Variants in CAPRIN1 observed in about 807,000 individuals in gnomAD.
CAPRIN1 encodes the protein cell cycle associated protein 1.
A neutral mutation model predicts 100.9 loss-of-function variants in CAPRIN1; 29 were observed. That is an observed-to-expected ratio of 0.29 (90% CI 0.21 to 0.39). CAPRIN1 has a LOEUF of 0.39. Among genes scored for constraint, CAPRIN1 ranks in the 10% least tolerant of loss-of-function variants. The pLI, the probability that CAPRIN1 is intolerant of heterozygous loss-of-function variation, is 1.00. For missense variants in CAPRIN1, 795 were observed against 876.7 expected, an observed-to-expected ratio of 0.91 and a Z score of 1.18; for synonymous variants, 338 against 307.5, an observed-to-expected ratio of 1.10 and a Z score of -1.04.
chr11:34,052,763 C>T (rs1468065726), intron 2 of CAPRIN1, 127 bp downstream of exon 2: 4 of 1,415,388 alleles, frequency 2.8e-6, no homozygotes, highest in Non-Finnish European at 3.8e-6. Flanking sequence ...CCTCCCACCC[C>T]CTGGCCCACA....
intron 2 of CAPRIN1, among the ~76,000 whole-genome samples, chr11:34,058,749 T>A (rs1388252007): frequency 6.6e-6 from 1 of 152,212 alleles, no homozygotes; most frequent in Non-Finnish European, 1.5e-5. Context: ...TAAACTTTTA[T>A]AAAGTTAAAA....
intron 4 of CAPRIN1, among the ~76,000 whole-genome samples, chr11:34,075,551 A>T (rs1332687895): frequency 6.6e-6 from 1 of 152,108 alleles, no homozygotes; most frequent in African/African-American, 2.4e-5. Context: ...CAAATTAGGC[A>T]CTCTTTTCAG....
At chr11:34,085,766 T>C (rs1463580914) in intron 9 of CAPRIN1, among the ~76,000 whole-genome samples, 1 of 152,086 alleles carries the variant, frequency 6.6e-6, no homozygotes, top group Non-Finnish European at 1.5e-5. Context: ...ATCCCGCCAC[T>C]GCTGTCCAGC....
chr11:34,093,194 T>TA (rs1160505685), intron 15 of CAPRIN1, among the ~76,000 whole-genome samples: 112 of 35,596 alleles, frequency 3.1e-3, no homozygotes, highest in Admixed American at 8.7e-3. Context: ...AGATTTTTTT[T>TA]TATATATATA....
rs1435453955 is a variant in CAPRIN1, at chr11:34,062,320, AC to A, written c.217-9404del. Among the ~76,000 whole-genome samples the A allele has an allele frequency of 7.9e-5, 12 of 151,308 alleles. No individual in the cohort carries two copies. The East Asian group carries it at 2.3e-3, about 29-fold the overall frequency. On this transcript the variant is annotated intron_variant, in intron 2 of 18. Coordinates refer to ENST00000341394, the MANE Select transcript of CAPRIN1 (RefSeq NM_005898.5). ...GTGGGGATTGGGGACTTGAAATAAT[AC>A]CTGGAAAAACTGGTAAAGATTGGAC...
At chr11:34,078,611 A>G (rs925306960) in intron 6 of CAPRIN1, among the ~76,000 whole-genome samples, 2 of 152,120 alleles carry the variant, frequency 1.3e-5, no homozygotes, top group South Asian at 2.1e-4. Context: ...TTTATTTTAT[A>G]TAAGTTTGTC....
intron 9 of CAPRIN1, 140 bp downstream of exon 9, chr11:34,083,181 C>T (rs1851067242): frequency 6.3e-6 from 4 of 631,896 alleles, no homozygotes; most frequent in Admixed American, 2.9e-5. Context: ...CAGACTGTTA[C>T]TTCCAAAAAA....
intron 2 of CAPRIN1, among the ~76,000 whole-genome samples, chr11:34,070,455 C>T (rs554904875): frequency 2.0e-5 from 3 of 152,276 alleles, no homozygotes; most frequent in African/African-American, 7.2e-5. Flanking sequence ...GGAGTTTTGG[C>T]ATTATTTCAG....
intron 4 of CAPRIN1, among the ~76,000 whole-genome samples, chr11:34,074,817 G>T (rs753748454): frequency 1.3e-5 from 2 of 152,226 alleles, no homozygotes; most frequent in Non-Finnish European, 2.9e-5. Context: ...AGAGGTGTCA[G>T]TGAGCCAAGA....
chr11:34,084,347 GA>G (rs2134121894), intron 9 of CAPRIN1, among the ~76,000 whole-genome samples: 1 of 152,288 alleles, frequency 6.6e-6, no homozygotes, highest in African/African-American at 2.4e-5. Flanking sequence ...ACTTACCCCA[GA>G]AAGGTACTTG....
chr11:34,082,938 T>A lies in CAPRIN1; in HGVS notation c.880-17T>A, dbSNP rs992540872. ...GCCTTTCAAACAAATGTCTCAAACA[T>A]TTACTTTGCTTTGCAGTATGTAAAT... On this transcript the variant is annotated splice_polypyrimidine_tract_variant and intron_variant, in intron 8 of 18. Transcript: ENST00000341394. The A allele has an allele frequency of 6.2e-7, 1 of 1,613,228 alleles. No homozygotes were observed. The highest frequency in any genetic ancestry group is 8.5e-7 in the Non-Finnish European group (1 of 1,179,284).
intron 6 of CAPRIN1, among the ~76,000 whole-genome samples, chr11:34,078,538 C>T (rs16925121): frequency 0.1 from 15,547 of 152,130 alleles, 860 homozygotes; most frequent in African/African-American, 0.15. Context: ...TCTTGTCTGA[C>T]GCAGTTGCTT....
chr11:34,084,953 T>C lies in CAPRIN1; in HGVS notation c.967-1111T>C, dbSNP rs188940110. ...AGTGTGGTTTGTTCTTTGTATCTAG[T>C]AGGTGGGCCTTTCTAAAGGCTATCC... On this transcript the variant is annotated intron_variant, in intron 9 of 18. Transcript: ENST00000341394. 8.2e-3 allele frequency among the ~76,000 whole-genome samples: 1,241 copies of C among 152,048 alleles called. 5 individuals carry two copies. The highest frequency in any genetic ancestry group is 0.012 in the Admixed American group (186 of 15,226).
At chr11:34,059,411 G>C (rs1186167494) in intron 2 of CAPRIN1, among the ~76,000 whole-genome samples, 1 of 152,060 alleles carries the variant, frequency 6.6e-6, no homozygotes, top group African/African-American at 2.4e-5. Context: ...TGGGACTACA[G>C]GTGCATGCCA....
At chr11:34,061,575 C>A (rs893478568) in intron 2 of CAPRIN1, among the ~76,000 whole-genome samples, 2 of 151,986 alleles carry the variant, frequency 1.3e-5, no homozygotes, top group Non-Finnish European at 2.9e-5. Flanking sequence ...GTTCATTCAG[C>A]CTCTGCTTTA....
chr11:34,057,312 T>G (rs747163122), intron 2 of CAPRIN1, among the ~76,000 whole-genome samples: 2 of 152,212 alleles, frequency 1.3e-5, no homozygotes, highest in Non-Finnish European at 2.9e-5. Context: ...TGTGTTTGTA[T>G]GTGTAGCACT....
chr11:34,088,640 T>G (rs1400042146), intron 11 of CAPRIN1, among the ~76,000 whole-genome samples: 1 of 152,142 alleles, frequency 6.6e-6, no homozygotes, highest in Admixed American at 6.5e-5. Flanking sequence ...GCCACTGCAC[T>G]CCAGCCTGGG....
At chr11:34,098,551 G>A (rs1851405185) in intron 18 of CAPRIN1, 2 of 985,202 alleles carry the variant, frequency 2.0e-6, no homozygotes, top group South Asian at 9.4e-5. Flanking sequence ...TATAAAATGT[G>A]TGTTAAGGAG....
Position 34,098,537 on chromosome 11 carries a change from C to G in CAPRIN1, c.2066-766C>G, listed in dbSNP as rs915502199. The G allele has an allele frequency of 5.1e-6, 5 of 985,184 alleles. No homozygotes were observed. In the African/African-American group the frequency reaches 7.0e-5, roughly 14 times the overall value. The allele number at this position is 985,184 out of a possible 1,614,324, so 61.0% of individuals were successfully genotyped here. On this transcript the variant is annotated intron_variant, in intron 18 of 18. Transcript: ENST00000341394. ...AACAGGTTTCCTCTATTGGCCATAA[C>G]ATGTATAAAATGTGTGTTAAGGAGG...
Sources: gnomAD v4.1 joint callset for allele counts (sites outside exome capture counted in the v4.1 genomes callset) on GRCh38, gnomAD v4.1.1 for gene constraint, MANE v1.5 for transcripts, NCBI Gene and HGNC (gene_info 2026-07-23, HGNC 2026-07-21) for gene names.